Variants in IPO9 observed in about 807,000 individuals in gnomAD.
The protein encoded by IPO9 is importin-9.
Under a neutral mutation model 128.6 loss-of-function variants are expected in IPO9, and 28 were observed. The ratio of observed to expected loss-of-function variants is 0.22; its 90% CI spans 0.16 to 0.30. IPO9 has a LOEUF of 0.30. IPO9 is among the 10% of genes least tolerant of loss of function. The pLI, the probability that IPO9 is intolerant of heterozygous loss-of-function variation, is 1.00. For synonymous variants in IPO9, 455 were observed against 475.8 expected (o/e 0.96, Z 0.57); for missense variants, 935 against 1,293.9 (o/e 0.72, Z 4.26).
At position 201,847,272 on chromosome 1, in the gene IPO9, C is replaced by T. The variant is rs371636242; in HGVS notation, c.164-7C>T. 1.2e-6 allele frequency: 2 copies of T among 1,612,602 alleles called. No homozygotes were observed. The highest frequency in any genetic ancestry group is 3.3e-5 in the Admixed American group (2 of 59,970). On this transcript the variant is annotated splice_polypyrimidine_tract_variant and splice_region_variant and intron_variant, in intron 1 of 23. Transcript: ENST00000361565. ...ACTCTTAGACTCAATAAAATTTTCT[C>T]TTTCAGAATTTGGTGTTCACTTGGC...
intron 1 of IPO9, among the ~76,000 whole-genome samples, chr1:201,839,535 T>G (rs1354405954): frequency 8.4e-6 from 1 of 119,100 alleles, no homozygotes; most frequent in Non-Finnish European, 1.6e-5. Flanking sequence ...CACTCCAGCC[T>G]GGGCGACAGA....
intron 1 of IPO9, among the ~76,000 whole-genome samples, chr1:201,843,742 C>T (rs1361834224): frequency 6.6e-6 from 1 of 151,254 alleles, no homozygotes; most frequent in Non-Finnish European, 1.5e-5. Flanking sequence ...GCACAAGAAT[C>T]GCTTGAACCC....
intron 20 of IPO9, among the ~76,000 whole-genome samples, chr1:201,873,359 C>T (rs369020889): frequency 1.4e-5 from 2 of 148,098 alleles, no homozygotes; most frequent in African/African-American, 5.0e-5. Flanking sequence ...GCAGGAGAAT[C>T]GCTTGAACCT....
intron 1 of IPO9, among the ~76,000 whole-genome samples, chr1:201,833,131 G>A (rs1440602020): frequency 6.6e-6 from 1 of 152,154 alleles, no homozygotes; most frequent in Non-Finnish European, 1.5e-5. Context: ...TTAAGCCAAG[G>A]AAGTGTGTGT....
intron 13 of IPO9, among the ~76,000 whole-genome samples, chr1:201,859,196 TATATATATATAA>T (rs1197212846): frequency 2.9e-4 from 41 of 139,966 alleles, no homozygotes; most frequent in African/African-American, 1.0e-3. Flanking sequence ...TATATATATA[TATATATATATAA>T]AGGAAACTCT....
In IPO9 at chr1:201,847,351, A is replaced by C. The variant is rs1300500480; in HGVS notation, c.225+11A>C. ...CTGGCAATCCGTCAGGTAAGTCCAG[A>C]CTGGCCCAATTTATAAATAGTTTCC... is the stretch of plus-strand genomic sequence containing the variant. On this transcript the variant is annotated intron_variant, in intron 2 of 23. Coordinates refer to ENST00000361565, the MANE Select transcript of IPO9 (RefSeq NM_018085.5). The C allele has an allele frequency of 2.5e-6, 4 of 1,610,804 alleles. No individual in the cohort carries two copies. The highest frequency in any genetic ancestry group is 2.7e-5 in the African/African-American group (2 of 74,774).
Position 201,848,539 on chromosome 1 carries a change from G to C in IPO9, c.459G>C (p.Glu153Asp), listed in dbSNP as rs1179142230. 15 of 1,614,048 alleles carry C rather than the reference G, an allele frequency of 9.3e-6. No individual in the cohort carries two copies. The highest frequency in any genetic ancestry group is 1.2e-5 in the Non-Finnish European group (14 of 1,180,042). ...CCCAACTCTTCAACCTGCTCATGGA[G>C]ATGTTGGTGAGCGGAGACTTAAATG... is the stretch of plus-strand genomic sequence containing the variant. ...AWPQLFNLLM[E>D]MLVSGDLNAV... Residue 153 changes from glutamate to aspartate, a missense_variant, in exon 4 of 24, where the codon GAG becomes GAC. Glu to Asp is a conservative substitution (Grantham distance 45). This residue lies in a region of IPO9 where 741 missense variants were observed against 1,019.1 expected (regional missense o/e 0.73). Coordinates refer to ENST00000361565, the MANE Select transcript of IPO9 (RefSeq NM_018085.5).
At chr1:201,831,170 T>C (rs1288585527) in intron 1 of IPO9, among the ~76,000 whole-genome samples, 1 of 152,116 alleles carries the variant, frequency 6.6e-6, no homozygotes, top group Non-Finnish European at 1.5e-5. Flanking sequence ...ACCTGGCATC[T>C]TTTTGAGCCT....
At chr1:201,860,444 T>TA (rs1680422908) in intron 13 of IPO9, among the ~76,000 whole-genome samples, 1 of 152,216 alleles carries the variant, frequency 6.6e-6, no homozygotes, top group Non-Finnish European at 1.5e-5. Flanking sequence ...AGAGTAGAAA[T>TA]CATGTCTAAT....
chr1:201,831,294 A>G (rs1230987901), intron 1 of IPO9, among the ~76,000 whole-genome samples: 1 of 152,218 alleles, frequency 6.6e-6, no homozygotes, highest in Admixed American at 6.5e-5. Context: ...TGTTGGGCAG[A>G]CTATGAGAAT....
At position 201,872,847 on chromosome 1, in the gene IPO9, C is replaced by A; in HGVS notation, c.2596C>A (p.Leu866Met). Residue 866 changes from leucine to methionine, a missense_variant, in exon 20 of 24, where the codon CTG becomes ATG. Physicochemically the swap from Leu to Met is conservative, Grantham distance 15 (BLOSUM62 2). Transcript: ENST00000361565. ...TGCCAGCTCTGTGGCACTCTGTAAGCTGCTCCAGCATGGCATCAATGCAGA... is the reference window on the plus strand; with the variant it reads ...TGCCAGCTCTGTGGCACTCTGTAAGATGCTCCAGCATGGCATCAATGCAGA... Reference protein sequence around the residue: ...GKVSSVALCKLLQHGINADDK... With the variant: ...GKVSSVALCKMLQHGINADDK... 6.2e-7 allele frequency: 1 copy of A among 1,613,286 alleles called. No homozygotes were observed. Among genetic ancestry groups the A allele is most frequent in the South Asian group, 1.1e-5 (1 of 90,912 alleles).
Position 201,882,094 on chromosome 1 carries a change from A to G in IPO9, c.*6040A>G, listed in dbSNP as rs1680891647. On this transcript the variant is annotated 3_prime_UTR_variant, in exon 24 of 24. Coordinates refer to ENST00000361565, the MANE Select transcript of IPO9 (RefSeq NM_018085.5). ...GACTAGGTCTTAACCATACTTTACCAAGATTCCAGTAGCAAAGCACCCAAA... is the reference window on the plus strand; with the variant it reads ...GACTAGGTCTTAACCATACTTTACCGAGATTCCAGTAGCAAAGCACCCAAA... The G allele has an allele frequency of 6.6e-6, 1 of 152,158 alleles. No individual in the cohort carries two copies. The highest frequency in any genetic ancestry group is 1.5e-5 in the Non-Finnish European group (1 of 68,026). 9.4% of individuals were successfully genotyped at this position (152,158 alleles called of 1,614,324 possible).
chr1:201,878,192 C>G lies in IPO9; in HGVS notation c.*2138C>G, dbSNP rs1197682349. On this transcript the variant is annotated 3_prime_UTR_variant, in exon 24 of 24. Coordinates refer to ENST00000361565, the MANE Select transcript of IPO9 (RefSeq NM_018085.5). ...GCTTCACATGGCATTGTGGGAGTTG[C>G]TGATACTGGGGAAATGATGGCAGAT... 3 of 152,308 alleles carry G rather than the reference C, an allele frequency of 2.0e-5. No individual in the cohort carries two copies. Among genetic ancestry groups the G allele is most frequent in the Non-Finnish European group, 4.4e-5 (3 of 68,128 alleles). 9.4% of individuals were successfully genotyped at this position (152,308 alleles called of 1,614,324 possible). A position where few individuals can be genotyped will look rare whatever the true frequency, so the allele number is the denominator to read the frequency against.
In IPO9 at chr1:201,868,641, A is replaced by G; in HGVS notation, c.1856-7A>G. 6.2e-7 allele frequency: 1 copy of G among 1,612,006 alleles called. No homozygotes were observed. Among genetic ancestry groups the G allele is most frequent in the Non-Finnish European group, 8.5e-7 (1 of 1,178,854 alleles). ...AGGGGGATTCCGTGTTGCCTTATCC[A>G]CTTCAGATCCCGTCGTCGCCTCACT... On this transcript the variant is annotated splice_region_variant and splice_polypyrimidine_tract_variant and intron_variant, in intron 15 of 23. Transcript: ENST00000361565.
Position 201,870,569 on chromosome 1 carries a change from C to T in IPO9, c.2134-14C>T. On this transcript the variant is annotated splice_polypyrimidine_tract_variant and intron_variant, in intron 17 of 23. Transcript: ENST00000361565. This position sits in a 1 kb window ranked among gnomAD's most constrained non-coding sequence, Gnocchi z 4.9. ...CTCGATTACTAATCTTGCTTGCCAC[C>T]CCTGTCTCCCCAGAATGGCGGAGAG... 1 of 1,605,500 alleles carries T rather than the reference C, an allele frequency of 6.2e-7. No individual in the cohort carries two copies. Among genetic ancestry groups the T allele is most frequent in the South Asian group, 1.1e-5 (1 of 90,754 alleles).
At chr1:201,863,681 G>A in intron 14 of IPO9, 74 bp downstream of exon 14, 2 of 1,341,994 alleles carry the variant, frequency 1.5e-6, no homozygotes, top group Non-Finnish European at 2.0e-6. Flanking sequence ...CAGTTTTCCA[G>A]TGTATTATGT....
At chr1:201,872,456 T>A (rs561254229) in intron 19 of IPO9, among the ~76,000 whole-genome samples, 16 of 151,988 alleles carry the variant, frequency 1.1e-4, no homozygotes, top group Non-Finnish European at 2.4e-4. Context: ...ATACAAAAAT[T>A]AGCCAGGCAC....
intron 23 of IPO9, 79 bp from the exon 24 acceptor site, chr1:201,875,865 A>G (rs1421362298): frequency 1.5e-5 from 13 of 862,172 alleles, no homozygotes; most frequent in Non-Finnish European, 2.2e-5. Context: ...TCCCTGTGCC[A>G]TTTGATTGTG....
At chr1:201,834,987 C>T (rs1679898607) in intron 1 of IPO9, 1 of 152,254 alleles carries the variant, frequency 6.6e-6, no homozygotes. Context: ...GCGAAGGGCG[C>T]CCCTCAAGGA....
Sources: allele counts gnomAD v4.1 joint callset (sites outside exome capture counted in the v4.1 genomes callset), GRCh38; gene constraint gnomAD v4.1.1; regional missense constraint gnomAD v4.1.1; non-coding constraint Gnocchi (gnomAD v3.1); transcripts MANE v1.5; gene names NCBI Gene and HGNC (gene_info 2026-07-23, HGNC 2026-07-21).